The following USH2A variants were observed in gnomAD, a reference collection of about 807,000 sequenced individuals.
USH2A encodes usherin, also known as Usher syndrome 2A (autosomal recessive, mild).
Under a neutral mutation model 538.9 loss-of-function variants are expected in USH2A, and 443 were observed. The observed-to-expected ratio is 0.82, with a 90% CI of 0.76 to 0.89. USH2A has a LOEUF of 0.89. Among genes scored for constraint, USH2A ranks in the 40% least tolerant of loss-of-function variants. USH2A has a pLI of 0.00. For missense variants in USH2A, 6,633 were observed against 6,324.8 expected (o/e 1.05, Z -1.65); for synonymous variants, 2,413 against 2,273.5 (o/e 1.06, Z -1.75).
intron 43 of USH2A, among the ~76,000 whole-genome samples, chr1:215,871,251 G>A (rs1664618830): frequency 6.6e-6 from 1 of 152,066 alleles, no homozygotes; most frequent in African/African-American, 2.4e-5. Flanking sequence ...AAAATAATAT[G>A]TGTTAAAATC....
At chr1:215,751,886 T>G (rs762002149) in intron 58 of USH2A, among the ~76,000 whole-genome samples, 17 of 152,160 alleles carry the variant, frequency 1.1e-4, no homozygotes, top group Non-Finnish European at 2.5e-4. Context: ...ATGAGAAACC[T>G]GAATTTGAGA....
intron 21 of USH2A, 89 bp from the exon 22 acceptor site, chr1:216,097,302 G>T (rs1571958322): frequency 6.2e-7 from 1 of 1,604,038 alleles, no homozygotes; most frequent in Non-Finnish European, 8.5e-7. Flanking sequence ...TATTATTTAT[G>T]ATGTAGTGAG....
intron 32 of USH2A, among the ~76,000 whole-genome samples, chr1:216,021,679 C>A (rs1246249031): frequency 6.6e-6 from 1 of 152,080 alleles, no homozygotes; most frequent in South Asian, 2.1e-4. Flanking sequence ...TGAGCCAATT[C>A]CTTACAATAA....
intron 12 of USH2A, among the ~76,000 whole-genome samples, chr1:216,250,388 G>A (rs1480189529): frequency 6.6e-6 from 1 of 152,060 alleles, no homozygotes; most frequent in African/African-American, 2.4e-5. Context: ...TACATGATCT[G>A]TAGAATTATG....
intron 44 of USH2A, among the ~76,000 whole-genome samples, chr1:215,864,852 A>C (rs988061349): frequency 6.6e-6 from 1 of 152,140 alleles, no homozygotes; most frequent in Admixed American, 6.6e-5. Context: ...TATACATATC[A>C]ATCTGTGATT....
chr1:216,347,402 C>A (rs1184769469), intron 4 of USH2A, among the ~76,000 whole-genome samples: 1 of 151,984 alleles, frequency 6.6e-6, no homozygotes, highest in Non-Finnish European at 1.5e-5. Context: ...GTGTTTTAAA[C>A]CTTTAATATT....
chr1:216,001,057 A>T (rs1668255359), intron 32 of USH2A, among the ~76,000 whole-genome samples: 1 of 152,150 alleles, frequency 6.6e-6, no homozygotes, highest in Non-Finnish European at 1.5e-5. Context: ...GTCGAGGTGC[A>T]GTGCAGATGC....
At chr1:216,038,762 T>TA (rs999891079) in intron 32 of USH2A, among the ~76,000 whole-genome samples, 3 of 152,012 alleles carry the variant, frequency 2.0e-5, no homozygotes, top group Non-Finnish European at 4.4e-5. Context: ...AAAACGTACA[T>TA]AAAAAATCAT....
In USH2A at chr1:215,758,569, C is replaced by T. The variant is rs574369114; in HGVS notation, c.11389+26G>A. 332 of 1,605,130 alleles carry T rather than the reference C, an allele frequency of 2.1e-4. 3 individuals carry two copies. In the South Asian group the frequency reaches 3.6e-3, roughly 17 times the overall value. ...TTCCTTTAAAATGTTTACACACACA[C>T]ACACATACTTCTTTTTTTTTTTTAC... On this transcript the variant is annotated intron_variant, in intron 58 of 71. Coordinates refer to ENST00000307340, the MANE Select transcript of USH2A (RefSeq NM_206933.4).
chr1:216,273,628 G>A (rs865808778), intron 11 of USH2A, among the ~76,000 whole-genome samples: 2 of 151,878 alleles, frequency 1.3e-5, no homozygotes, highest in Non-Finnish European at 2.9e-5. Context: ...ATATAGGAAC[G>A]TCCCTACATT....
chr1:216,020,600 T>C (rs1367736684), intron 32 of USH2A, among the ~76,000 whole-genome samples: 1 of 152,134 alleles, frequency 6.6e-6, no homozygotes, highest in Non-Finnish European at 1.5e-5. Flanking sequence ...ATTAAGTGAC[T>C]GTCAGACGGC....
At chr1:215,707,841 TGTA>T (rs1459167778) in intron 61 of USH2A, among the ~76,000 whole-genome samples, 1 of 152,128 alleles carries the variant, frequency 6.6e-6, no homozygotes. Context: ...GCACTGAAGG[TGTA>T]TACACAAGAA....
chr1:216,329,374 C>G (rs561969145), intron 4 of USH2A, among the ~76,000 whole-genome samples: 1 of 152,116 alleles, frequency 6.6e-6, no homozygotes, highest in Non-Finnish European at 1.5e-5. Context: ...ATGGACATGT[C>G]ATTCTTAGAA....
chr1:215,765,894 T>C (rs533380072), intron 56 of USH2A, among the ~76,000 whole-genome samples: 8 of 152,268 alleles, frequency 5.3e-5, no homozygotes, highest in African/African-American at 1.9e-4. Context: ...AACATTAAAA[T>C]TGCTCCCAAC....
At chr1:216,244,958 T>C (rs1488162734) in intron 13 of USH2A, among the ~76,000 whole-genome samples, 2 of 152,178 alleles carry the variant, frequency 1.3e-5, no homozygotes. Context: ...TTGTTTTGGT[T>C]TACTTAGAAA....
At chr1:216,147,418 T>C (rs566673719) in intron 21 of USH2A, among the ~76,000 whole-genome samples, 1 of 152,308 alleles carries the variant, frequency 6.6e-6, no homozygotes, top group African/African-American at 2.4e-5. Flanking sequence ...TCAAGGTTAA[T>C]GCTCCTTTTT....
rs1656415800 is a variant in USH2A at position 215,634,620 on chromosome 1, ACAC to A, written c.15133_15135del (p.Val5045del). On this transcript the variant is annotated inframe_deletion, in exon 70 of 72. Coordinates refer to ENST00000307340, the MANE Select transcript of USH2A (RefSeq NM_206933.4). ...AAGATCAAGCCCAGCATCGCCATTAACACTATGAACCACAGCTCGCTGTAGAAC... is the reference window on the plus strand; with the variant it reads ...AAGATCAAGCCCAGCATCGCCATTAATATGAACCACAGCTCGCTGTAGAAC... 6.2e-7 allele frequency: 1 copy of A among 1,614,104 alleles called. No homozygotes were observed. Among genetic ancestry groups the A allele is most frequent in the Admixed American group, 1.7e-5 (1 of 60,004 alleles).
At chr1:216,307,566 AC>A (rs1277630423) in intron 9 of USH2A, among the ~76,000 whole-genome samples, 2 of 152,014 alleles carry the variant, frequency 1.3e-5, no homozygotes, top group Admixed American at 6.6e-5. Flanking sequence ...CTGTGTCTGC[AC>A]TCCCAGTTCA....
chr1:215,854,865 A>C (rs1373842093), intron 44 of USH2A, among the ~76,000 whole-genome samples: 2 of 152,214 alleles, frequency 1.3e-5, no homozygotes, highest in East Asian at 3.9e-4. Flanking sequence ...AAAAGGGCAG[A>C]TGGAGCCACT....
Sources: gnomAD v4.1 joint callset for allele counts (sites outside exome capture counted in the v4.1 genomes callset) on GRCh38, gnomAD v4.1.1 for gene constraint, MANE v1.5 for transcripts, NCBI Gene and HGNC (gene_info 2026-07-23, HGNC 2026-07-21) for gene names.